RNF180: variants seen among roughly 807,000 people sequenced by gnomAD.
RNF180 encodes the protein ring finger protein 180.
Under a neutral mutation model 59.2 loss-of-function variants are expected in RNF180, and 38 were observed. The ratio of observed to expected loss-of-function variants is 0.64; its 90% CI spans 0.50 to 0.84. The LOEUF (loss-of-function observed/expected upper bound fraction) is 0.84, where lower values mean the gene tolerates loss of function less well. Ranked by LOEUF, RNF180 falls within the 40% of genes least tolerant of loss-of-function variation. RNF180 has a pLI of 0.00. For synonymous variants in RNF180, 262 were observed against 240.3 expected, an observed-to-expected ratio of 1.09 and a Z score of -0.84; for missense variants, 705 against 700.9, an observed-to-expected ratio of 1.01 and a Z score of -0.07.
intron 7 of RNF180, among the ~76,000 whole-genome samples, chr5:64,359,449 G>T (rs1195879550): frequency 6.6e-6 from 1 of 152,088 alleles, no homozygotes; most frequent in Non-Finnish European, 1.5e-5. Context: ...AGAAGTGTCT[G>T]TTCATGTCCT....
At chr5:64,284,490 T>C (rs1346800801) in intron 5 of RNF180, among the ~76,000 whole-genome samples, 3 of 152,168 alleles carry the variant, frequency 2.0e-5, no homozygotes, top group African/African-American at 7.2e-5. Flanking sequence ...TGCCAACGAG[T>C]TGTAGATTTA....
intron 6 of RNF180, among the ~76,000 whole-genome samples, chr5:64,327,313 T>C (rs1434775615): frequency 3.3e-5 from 5 of 152,104 alleles, no homozygotes; most frequent in African/African-American, 1.2e-4. Flanking sequence ...ATTATTTCTT[T>C]CCTTCTAATT....
intron 5 of RNF180, among the ~76,000 whole-genome samples, chr5:64,267,252 T>A (rs1744730746): frequency 6.6e-6 from 1 of 152,136 alleles, no homozygotes; most frequent in Non-Finnish European, 1.5e-5. Flanking sequence ...AGATACTTTC[T>A]TTAAAACAAG....
chr5:64,191,730 C>A (rs1751171350), intron 1 of RNF180, among the ~76,000 whole-genome samples: 1 of 152,124 alleles, frequency 6.6e-6, no homozygotes. Context: ...ATATTTTTAT[C>A]CCATTCCATA....
intron 5 of RNF180, among the ~76,000 whole-genome samples, chr5:64,286,148 G>A (rs771136218): frequency 6.6e-6 from 1 of 152,142 alleles, no homozygotes; most frequent in Non-Finnish European, 1.5e-5. Flanking sequence ...TTCTAATCTG[G>A]AAGGTTTTGT....
At chr5:64,322,582 T>C (rs980783414) in intron 5 of RNF180, among the ~76,000 whole-genome samples, 3 of 149,120 alleles carry the variant, frequency 2.0e-5, no homozygotes, top group African/African-American at 7.5e-5. Flanking sequence ...TATATATATA[T>C]ATAACGGAAT....
rs180781549 is a variant in RNF180 at position 64,363,696 on chromosome 5, A to G, written c.1580-5919A>G. Reference sequence around the variant, plus strand: ...TTTGGACAGTATGGCAATTTTAATGATATTGATTATTCCTAGCCATCACAT... The same window carrying G: ...TTTGGACAGTATGGCAATTTTAATGGTATTGATTATTCCTAGCCATCACAT... On this transcript the variant is annotated intron_variant, in intron 7 of 7. Coordinates refer to ENST00000389100, the MANE Select transcript of RNF180 (RefSeq NM_001113561.2). 2.0e-5 allele frequency among the ~76,000 whole-genome samples: 3 copies of G among 151,898 alleles called. No individual in the cohort carries two copies. The East Asian group carries it at 5.8e-4, about 30-fold the overall frequency.
chr5:64,307,812 G>A (rs1743554743), intron 5 of RNF180, among the ~76,000 whole-genome samples: 1 of 150,236 alleles, frequency 6.7e-6, no homozygotes, highest in South Asian at 2.1e-4. Flanking sequence ...GTTGCATGGG[G>A]ACTTGAAGTA....
At chr5:64,216,097 G>C (rs969796544) in intron 4 of RNF180, among the ~76,000 whole-genome samples, 80 of 152,010 alleles carry the variant, frequency 5.3e-4, no homozygotes, top group African/African-American at 1.9e-3. Context: ...GGTCAGTGTA[G>C]GGAGTGACAT....
At chr5:64,345,885 G>T (rs1243687185) in intron 7 of RNF180, among the ~76,000 whole-genome samples, 1 of 151,978 alleles carries the variant, frequency 6.6e-6, no homozygotes, top group East Asian at 1.9e-4. Context: ...TTTTTGTTCT[G>T]ATTTTTTATG....
chr5:64,300,044 T>C (rs1033820295), intron 5 of RNF180, among the ~76,000 whole-genome samples: 4 of 151,774 alleles, frequency 2.6e-5, no homozygotes, highest in African/African-American at 9.7e-5. Flanking sequence ...TGTGTCATGG[T>C]GCTTGTGTTC....
chr5:64,328,367 G>A lies in RNF180; in HGVS notation c.1454-1914G>A, dbSNP rs547920904. On this transcript the variant is annotated intron_variant, in intron 6 of 7. Transcript: ENST00000389100. ...GACACTGACAAGCCCCTTCAACCAA[G>A]TGATAGTGTCATAACCATCTTACAC... 4.6e-5 allele frequency among the ~76,000 whole-genome samples: 7 copies of A among 152,278 alleles called. No homozygotes were observed. In the East Asian group the frequency reaches 1.3e-3, roughly 29 times the overall value.
chr5:64,253,001 A>G (rs1743684215), intron 5 of RNF180, among the ~76,000 whole-genome samples: 1 of 152,038 alleles, frequency 6.6e-6, no homozygotes, highest in Non-Finnish European at 1.5e-5. Context: ...CAAGGATGGG[A>G]TAAAGGAAGG....
chr5:64,244,714 A>G (rs1743045496), intron 5 of RNF180, among the ~76,000 whole-genome samples: 2 of 152,186 alleles, frequency 1.3e-5, no homozygotes, highest in South Asian at 2.1e-4. Flanking sequence ...ACAGGCCAAC[A>G]TTCAAATTCA....
At chr5:64,181,089 A>G (rs187719463) in intron 1 of RNF180, among the ~76,000 whole-genome samples, 1 of 152,280 alleles carries the variant, frequency 6.6e-6, no homozygotes, top group African/African-American at 2.4e-5. Context: ...TCCAGCACAC[A>G]AGAAAAATGA....
intron 5 of RNF180, among the ~76,000 whole-genome samples, chr5:64,260,752 A>G (rs555587350): frequency 1.3e-5 from 2 of 152,276 alleles, no homozygotes; most frequent in South Asian, 2.1e-4. Flanking sequence ...TTTGTTTAAC[A>G]TCTCATCTCT....
At chr5:64,257,880 C>T (rs1414593597) in intron 5 of RNF180, among the ~76,000 whole-genome samples, 1 of 152,180 alleles carries the variant, frequency 6.6e-6, no homozygotes, top group Non-Finnish European at 1.5e-5. Flanking sequence ...CAGCTCTGAA[C>T]ACTTTCTGTG....
intron 5 of RNF180, among the ~76,000 whole-genome samples, chr5:64,254,422 T>C (rs1390102333): frequency 2.0e-5 from 3 of 152,206 alleles, no homozygotes; most frequent in African/African-American, 7.2e-5. Flanking sequence ...TTTCTTCTTT[T>C]GTTTAAATAA....
intron 5 of RNF180, among the ~76,000 whole-genome samples, chr5:64,264,287 A>G (rs897760514): frequency 2.0e-5 from 3 of 152,122 alleles, no homozygotes; most frequent in Non-Finnish European, 4.4e-5. Context: ...ATAGGTATAC[A>G]TATGCCATGG....
Sources: allele counts gnomAD v4.1 joint callset (sites outside exome capture counted in the v4.1 genomes callset), GRCh38; gene constraint gnomAD v4.1.1; transcripts MANE v1.5; gene names NCBI Gene and HGNC (gene_info 2026-07-23, HGNC 2026-07-21).